The following PYROXD2 variants were observed in gnomAD, a reference collection of about 807,000 sequenced individuals.
PYROXD2 encodes the protein pyridine nucleotide-disulphide oxidoreductase domain 2, also known as pyridine nucleotide-disulfide oxidoreductase domain-containing protein 2.
PYROXD2 carries 69 observed loss-of-function variants against 71.1 expected under a neutral mutation model. That is an observed-to-expected ratio of 0.97 (90% confidence interval 0.80 to 1.19). The LOEUF (loss-of-function observed/expected upper bound fraction) is 1.19, where lower values mean the gene tolerates loss of function less well. Among genes scored for constraint, PYROXD2 ranks in the 50% most tolerant of loss-of-function variants. The probability of loss-of-function intolerance (pLI) is 0.00; values close to 1 mark genes in which losing one functional copy is unlikely to be tolerated. For synonymous variants in PYROXD2, 287 were observed against 302.7 expected (o/e 0.95, Z 0.54); for missense variants, 745 against 748.9 (o/e 0.99, Z 0.06).
rs137946445 is a variant in PYROXD2 at position 98,404,443 on chromosome 10, T to C, written c.315+3139A>G. Among the ~76,000 whole-genome samples, 67 of 152,352 alleles carry C rather than the reference T, an allele frequency of 4.4e-4. 2 individuals carry two copies. In the East Asian group the frequency reaches 0.013, roughly 29 times the overall value. ...ATTAAATTTAATTTAGTGAAGGTTTTTCTTTTAACAATAGGTTTAATTATG... is the reference window on the plus strand; with the variant it reads ...ATTAAATTTAATTTAGTGAAGGTTTCTCTTTTAACAATAGGTTTAATTATG... On this transcript the variant is annotated intron_variant, in intron 4 of 15. Transcript: ENST00000370575.
At chr10:98,411,165 T>C in intron 1 of PYROXD2, 1 of 717,814 alleles carries the variant, frequency 1.4e-6, no homozygotes. Flanking sequence ...CAGAAAACCC[T>C]GGTTCTTGCC....
Position 98,415,067 on chromosome 10 carries a change from ATCTCG to A in PYROXD2, c.64_68del (p.Arg22Ter), listed in dbSNP as rs757151516. ...TCAGACCTCCCCTGGCTTCCGTGTT[ATCTCG>A]TCTCCACGCCGGGAAGGGAGAGGCG... On this transcript the variant is annotated frameshift_variant, in exon 1 of 16. Coordinates refer to ENST00000370575, the MANE Select transcript of PYROXD2 (RefSeq NM_032709.3). LOFTEE classifies it high-confidence loss of function. 110 of 1,613,858 alleles carry A rather than the reference ATCTCG, an allele frequency of 6.8e-5. No individual in the cohort carries two copies. Among genetic ancestry groups the A allele is most frequent in the Non-Finnish European group, 8.4e-5 (99 of 1,179,960 alleles).
Position 98,387,932 on chromosome 10 carries a change from C to A in PYROXD2, c.1447+422G>T, listed in dbSNP as rs148676089. On this transcript the variant is annotated intron_variant, in intron 13 of 15. Coordinates refer to ENST00000370575, the MANE Select transcript of PYROXD2 (RefSeq NM_032709.3). ...TACAGGCATGAGCCCCCACGCCTGGCCTGATCAAGCTGTTTCTCTTGCTTG... is the reference window on the plus strand; with the variant it reads ...TACAGGCATGAGCCCCCACGCCTGGACTGATCAAGCTGTTTCTCTTGCTTG... The A allele has an allele frequency of 2.0e-3, 468 of 232,200 alleles. 8 individuals carry two copies. In the Middle Eastern group the frequency reaches 0.042, roughly 21 times the overall value. The allele number at this position is 232,200 out of a possible 1,614,324, so 14.4% of individuals were successfully genotyped here. A position where few individuals can be genotyped will look rare whatever the true frequency, so the allele number is the denominator to read the frequency against.
intron 4 of PYROXD2, among the ~76,000 whole-genome samples, chr10:98,404,165 C>A (rs541276707): frequency 6.6e-6 from 1 of 152,262 alleles, no homozygotes; most frequent in South Asian, 2.1e-4. Context: ...CAGACTGTAA[C>A]CTACTTCTGT....
At chr10:98,401,557 T>A (rs1370775173) in intron 4 of PYROXD2, among the ~76,000 whole-genome samples, 4 of 152,216 alleles carry the variant, frequency 2.6e-5, no homozygotes, top group Non-Finnish European at 1.5e-5. Context: ...ACCTTTTTGA[T>A]TCTCTTAAAA....
Position 98,407,586 on chromosome 10 carries a change from A to C in PYROXD2, c.311T>G (p.Leu104Arg), listed in dbSNP as rs981491072. 3 of 1,613,758 alleles carry C rather than the reference A, an allele frequency of 1.9e-6. No homozygotes were observed. The highest frequency in any genetic ancestry group is 1.7e-5 in the Admixed American group (1 of 59,998). ...GGGCCGGCGGGGGGGCCCTACCTTC[A>C]GCTCCAGATCAGTGTAAATCTGCGG... ...LRPQIYTDLE[L>R]KKHGLRLHLR... The change falls in exon 4 of 16, where the codon CTG becomes CGG. Residue 104 changes from leucine to arginine, a missense_variant. Leu to Arg is a moderately radical substitution (Grantham distance 102). Coordinates refer to ENST00000370575, the MANE Select transcript of PYROXD2 (RefSeq NM_032709.3).
At position 98,390,745 on chromosome 10, in the gene PYROXD2, TC is replaced by T. The variant is rs1798170024; in HGVS notation, c.1144del (p.Asp382ThrfsTer27). 1.9e-6 allele frequency: 3 copies of T among 1,595,750 alleles called. No individual in the cohort carries two copies. Among genetic ancestry groups the T allele is most frequent in the Admixed American group, 1.7e-5 (1 of 57,770 alleles). On this transcript the variant is annotated frameshift_variant, in exon 12 of 16. Coordinates refer to ENST00000370575, the MANE Select transcript of PYROXD2 (RefSeq NM_032709.3). LOFTEE classifies it high-confidence loss of function. ...SPVTKINVAV[D>X]RLPSFLAAPN... The stretch of plus-strand genomic sequence containing the variant: ...GGCCGCCAGGAAGCTGGGCAGCCTG[TC>T]TACGGCCACTGAGGGACCAAAGAGG...
chr10:98,412,618 C>T (rs746984501), intron 1 of PYROXD2, among the ~76,000 whole-genome samples: 67 of 152,302 alleles, frequency 4.4e-4, no homozygotes, highest in South Asian at 1.7e-3. Flanking sequence ...TTCAAGGTGG[C>T]GGCCAGGTGC....
At chr10:98,408,852 TTTAA>T (rs1156358657) in intron 2 of PYROXD2, among the ~76,000 whole-genome samples, 1 of 152,184 alleles carries the variant, frequency 6.6e-6, no homozygotes, top group East Asian at 1.9e-4. Flanking sequence ...CATTGTCTTG[TTTAA>T]TTTTTCCCAC....
At chr10:98,402,921 T>C (rs1231322727) in intron 4 of PYROXD2, among the ~76,000 whole-genome samples, 1 of 152,234 alleles carries the variant, frequency 6.6e-6, no homozygotes, top group African/African-American at 2.4e-5. Flanking sequence ...CCGTCGACTC[T>C]GAATAAATGA....
In PYROXD2 at chr10:98,392,968, G is replaced by A; in HGVS notation, c.901C>T (p.His301Tyr). 6.2e-7 allele frequency: 1 copy of A among 1,613,984 alleles called. No homozygotes were observed. The change falls in exon 9 of 16, where the codon CAT becomes TAT. Residue 301 changes from histidine to tyrosine, a missense_variant. Physicochemically the swap from His to Tyr is moderately conservative, Grantham distance 83. Transcript: ENST00000370575. ...TTTTCAGTGAAGATGCTTGCTCCATGTGTGGTGGCTGAGCTTGCGATCGCA... is the reference window on the plus strand; with the variant it reads ...TTTTCAGTGAAGATGCTTGCTCCATATGTGGTGGCTGAGCTTGCGATCGCA... ...SDAIASSATT[H>Y]GASIFTEKTV...
chr10:98,392,957 G>A lies in PYROXD2; in HGVS notation c.912C>T (p.Ser304=). 2 of 1,613,902 alleles carry A rather than the reference G, an allele frequency of 1.2e-6. No individual in the cohort carries two copies. Among genetic ancestry groups the A allele is most frequent in the Non-Finnish European group, 1.7e-6 (2 of 1,179,854 alleles). ...IASSATTHGA[S]IFTEKTVAKV... ...GGCCGTTCACCTTTTCAGTGAAGAT[G>A]CTTGCTCCATGTGTGGTGGCTGAGC... Residue 304 remains serine (S), a synonymous_variant, in exon 9 of 16, where the codon AGC becomes AGT. Coordinates refer to ENST00000370575, the MANE Select transcript of PYROXD2 (RefSeq NM_032709.3).
At chr10:98,396,356 G>A (rs58358315) in intron 6 of PYROXD2, among the ~76,000 whole-genome samples, 26,639 of 152,136 alleles carry the variant, frequency 0.18, 2,968 homozygotes, top group East Asian at 0.25. Flanking sequence ...GAGGTACCTG[G>A]AGCAGAGCTG....
In PYROXD2 at chr10:98,391,053, T is replaced by C; in HGVS notation, c.1092A>G (p.Arg364=). The part of the protein sequence containing the change: ...QEWLPEEFLE[R]ISQLDTRSPV... ...GCGACCGGGTGTCCAGCTGAGAGAT[T>C]CTCTCCAGGAACTCCTCAGGAAGCC... Residue 364 remains arginine (R), a synonymous_variant, in exon 11 of 16, where the codon AGA becomes AGG. Transcript: ENST00000370575. 1 of 1,613,200 alleles carries C rather than the reference T, an allele frequency of 6.2e-7. No homozygotes were observed. Among genetic ancestry groups the C allele is most frequent in the Non-Finnish European group, 8.5e-7 (1 of 1,179,412 alleles).
At chr10:98,389,189 C>G (rs1286779224) in intron 12 of PYROXD2, among the ~76,000 whole-genome samples, 1 of 152,182 alleles carries the variant, frequency 6.6e-6, no homozygotes, top group Non-Finnish European at 1.5e-5. Flanking sequence ...TGCTCCACCC[C>G]CACCGCCTCT....
chr10:98,399,711 C>G (rs1843322745), intron 5 of PYROXD2, among the ~76,000 whole-genome samples: 2 of 152,214 alleles, frequency 1.3e-5, no homozygotes, highest in African/African-American at 4.8e-5. Context: ...TTCCCTCATC[C>G]TCCTTTTTGG....
intron 14 of PYROXD2, among the ~76,000 whole-genome samples, chr10:98,385,905 C>T (rs184788111): frequency 1.1e-4 from 17 of 152,300 alleles, no homozygotes; most frequent in Non-Finnish European, 4.4e-5. Flanking sequence ...TTCCTCTATA[C>T]CTGGACCAGT....
At chr10:98,387,054 CCT>C in intron 14 of PYROXD2, 145 bp downstream of exon 14, 1 of 586,968 alleles carries the variant, frequency 1.7e-6, no homozygotes, top group South Asian at 2.4e-5. Context: ...GCTTCTCTGC[CCT>C]CTCTCAGCCG....
chr10:98,413,436 C>G (rs1484227912), intron 1 of PYROXD2, among the ~76,000 whole-genome samples: 3 of 152,182 alleles, frequency 2.0e-5, no homozygotes, highest in Non-Finnish European at 2.9e-5. Context: ...AAGAAGGAGG[C>G]CGGGCGCAGT....
Sources: allele counts gnomAD v4.1 joint callset (sites outside exome capture counted in the v4.1 genomes callset), GRCh38; gene constraint gnomAD v4.1.1; transcripts MANE v1.5; gene names NCBI Gene and HGNC (gene_info 2026-07-23, HGNC 2026-07-21).